ABCA12: variants seen among roughly 807,000 people sequenced by gnomAD.
The protein encoded by ABCA12 is ATP binding cassette subfamily A member 12, also known as glucosylceramide transporter ABCA12.
A neutral mutation model predicts 293.5 loss-of-function variants in ABCA12; 156 were observed. That is an observed-to-expected ratio of 0.53 (90% CI 0.47 to 0.61). The LOEUF is 0.61. Ranked by LOEUF, ABCA12 falls within the 20% of genes least tolerant of loss-of-function variation. ABCA12 has a pLI of 0.00. For synonymous variants in ABCA12, 1,063 were observed against 1,108.0 expected (o/e 0.96, Z 0.81); for missense variants, 2,797 against 3,090.2 (o/e 0.91, Z 2.25).
At chr2:215,108,598 T>C (rs1172367192) in intron 2 of ABCA12, among the ~76,000 whole-genome samples, 1 of 152,172 alleles carries the variant, frequency 6.6e-6, no homozygotes, top group Non-Finnish European at 1.5e-5. Flanking sequence ...TTACTAAATA[T>C]CTGGTACACA....
chr2:215,097,684 C>A (rs887546611), intron 2 of ABCA12, among the ~76,000 whole-genome samples: 2 of 152,180 alleles, frequency 1.3e-5, no homozygotes, highest in African/African-American at 2.4e-5. Flanking sequence ...ATTTAATACT[C>A]TTTGCACTAA....
chr2:215,009,244 C>T (rs1700319911), intron 18 of ABCA12, among the ~76,000 whole-genome samples: 3 of 152,014 alleles, frequency 2.0e-5, no homozygotes, highest in Admixed American at 6.6e-5. Flanking sequence ...AAAAACCACA[C>T]GCTCTCACTT....
Position 214,974,947 on chromosome 2 carries a change from T to C in ABCA12, c.5382-83A>G, listed in dbSNP as rs948806909. On this transcript the variant is annotated intron_variant, in intron 34 of 52. Coordinates refer to ENST00000272895, the MANE Select transcript of ABCA12 (RefSeq NM_173076.3). ...AAATCATGCTTGAAGAAATGAAATG[T>C]GCTGTATATAGAAGGGTTTTCTTTT... is the stretch of plus-strand genomic sequence containing the variant. 4 of 1,254,052 alleles carry C rather than the reference T, an allele frequency of 3.2e-6. No individual in the cohort carries two copies. In the African/African-American group the frequency reaches 6.0e-5, roughly 19 times the overall value. The allele number at this position is 1,254,052 out of a possible 1,614,324, so 77.7% of individuals were successfully genotyped here. A position where few individuals can be genotyped will look rare whatever the true frequency, so the allele number is the denominator to read the frequency against.
chr2:215,125,327 C>T (rs1024826925), intron 1 of ABCA12, among the ~76,000 whole-genome samples: 1 of 152,022 alleles, frequency 6.6e-6, no homozygotes, highest in Non-Finnish European at 1.5e-5. Context: ...CTTTTTCTAA[C>T]TCTGAAGAAT....
chr2:215,040,335 T>C (rs1332592922), intron 7 of ABCA12, among the ~76,000 whole-genome samples: 1 of 151,992 alleles, frequency 6.6e-6, no homozygotes, highest in African/African-American at 2.4e-5. Flanking sequence ...TTCCAAAATA[T>C]AAAGAAAACA....
intron 14 of ABCA12, among the ~76,000 whole-genome samples, chr2:215,016,323 C>CCTCT (rs1700497849): frequency 6.6e-6 from 1 of 151,092 alleles, no homozygotes; most frequent in South Asian, 2.1e-4. Flanking sequence ...GTGGCTCACG[C>CCTCT]CTCTAATCCC....
chr2:214,958,164 CTT>C (rs1699009114), intron 41 of ABCA12, 111 bp downstream of exon 41: 1 of 1,409,492 alleles, frequency 7.1e-7, no homozygotes, highest in South Asian at 1.2e-5. Flanking sequence ...TATTTCCTGT[CTT>C]TGTGATAACA....
chr2:215,091,213 C>A (rs1702135468), intron 2 of ABCA12, among the ~76,000 whole-genome samples: 1 of 152,056 alleles, frequency 6.6e-6, no homozygotes, highest in African/African-American at 2.4e-5. Flanking sequence ...CCCATCTGAC[C>A]TCTCCACTCC....
At chr2:215,110,148 T>G (rs2106126302) in intron 2 of ABCA12, among the ~76,000 whole-genome samples, 1 of 152,350 alleles carries the variant, frequency 6.6e-6, no homozygotes, top group African/African-American at 2.4e-5. Context: ...AAAATTATGC[T>G]GTTTTTATGA....
intron 8 of ABCA12, 26 bp downstream of exon 8, chr2:215,036,926 TA>T (rs1701006709): frequency 6.3e-7 from 1 of 1,593,402 alleles, no homozygotes; most frequent in Non-Finnish European, 8.6e-7. Flanking sequence ...ACACTGAATT[TA>T]ACACAGTAAG....
chr2:215,137,300 T>G (rs1055295132), intron 1 of ABCA12, among the ~76,000 whole-genome samples: 1 of 152,194 alleles, frequency 6.6e-6, no homozygotes, highest in African/African-American at 2.4e-5. Context: ...ATTATTTGCA[T>G]AATATTTACA....
rs1204747914 is a variant in ABCA12 at position 214,949,059 on chromosome 2, G to A, written c.6943C>T (p.Leu2315=). ...TCATACCCGGTCTTATTTCTGATCA[G>A]AATGTTTCCACTTGAAGGAATGATG... is the stretch of plus-strand genomic sequence containing the variant. ...GDIIPSSGNI[L]IRNKTGSLGH... Residue 2315 remains leucine, a synonymous_variant, in exon 46 of 53, where the codon CTG becomes TTG. Coordinates refer to ENST00000272895, the MANE Select transcript of ABCA12 (RefSeq NM_173076.3). 2 of 1,613,480 alleles carry A rather than the reference G, an allele frequency of 1.2e-6. No homozygotes were observed. The highest frequency in any genetic ancestry group is 4.5e-5 in the East Asian group (2 of 44,828).
intron 51 of ABCA12, among the ~76,000 whole-genome samples, chr2:214,935,190 T>G (rs556404109): frequency 5.3e-4 from 80 of 152,296 alleles, no homozygotes; most frequent in African/African-American, 1.8e-3. Flanking sequence ...TTGCCTACTT[T>G]TGCTCTCAGA....
intron 46 of ABCA12, 78 bp downstream of exon 46, chr2:214,948,962 A>T: frequency 7.4e-7 from 1 of 1,350,190 alleles, no homozygotes; most frequent in East Asian, 2.3e-5. Flanking sequence ...CCACAAAATA[A>T]CATTAAATGT....
chr2:215,133,149 ATTTTTTTTTTTTTTTTTTTT>A (rs55641331), intron 1 of ABCA12, among the ~76,000 whole-genome samples: 69 of 34,882 alleles, frequency 2.0e-3, no homozygotes, highest in Middle Eastern at 0.029. Flanking sequence ...GCTGGCTTTA[ATTTTTTTTTTTTTTTTTTTT>A]TTTTTTTTTT....
chr2:214,980,268 C>A (rs1490482367), intron 31 of ABCA12, among the ~76,000 whole-genome samples: 1 of 152,140 alleles, frequency 6.6e-6, no homozygotes, highest in Non-Finnish European at 1.5e-5. Context: ...CACTCCCATC[C>A]CAGACCTACA....
intron 26 of ABCA12, among the ~76,000 whole-genome samples, chr2:214,988,068 TG>T (rs1699826334): frequency 6.6e-6 from 1 of 152,142 alleles, no homozygotes; most frequent in African/African-American, 2.4e-5. Flanking sequence ...ATGAAATACA[TG>T]TCTACAAGTT....
intron 31 of ABCA12, 96 bp from the exon 32 acceptor site, chr2:214,979,136 C>G: frequency 4.8e-6 from 5 of 1,037,702 alleles, no homozygotes; most frequent in Non-Finnish European, 6.1e-6. Context: ...CTCTTTTAGG[C>G]CACTCCACAC....
intron 2 of ABCA12, among the ~76,000 whole-genome samples, chr2:215,076,565 A>G (rs930487511): frequency 2.0e-5 from 3 of 152,200 alleles, no homozygotes; most frequent in African/African-American, 7.2e-5. Context: ...TGGTGGGGAA[A>G]AGTAAATTGA....
Sources: gnomAD v4.1 joint callset for allele counts (sites outside exome capture counted in the v4.1 genomes callset) on GRCh38, gnomAD v4.1.1 for gene constraint, MANE v1.5 for transcripts, NCBI Gene and HGNC (gene_info 2026-07-23, HGNC 2026-07-21) for gene names.